Variants in DNAAF11 observed in about 807,000 individuals in gnomAD.
DNAAF11 encodes the protein dynein axonemal assembly factor 11, also known as leucine rich repeat containing 6.
A neutral mutation model predicts 60.8 loss-of-function variants in DNAAF11; 45 were observed. That is an observed-to-expected ratio of 0.74 (90% confidence interval 0.58 to 0.95). The LOEUF is 0.95. DNAAF11 is among the 40% of genes least tolerant of loss of function. DNAAF11 has a pLI of 0.00. For missense variants in DNAAF11, 546 were observed against 546.2 expected, an observed-to-expected ratio of 1.00 and a Z score of 0.00; for synonymous variants, 191 against 183.5, an observed-to-expected ratio of 1.04 and a Z score of -0.33.
the DNAAF11 span, among the ~76,000 whole-genome samples, chr8:132,682,427 G>T: frequency 1.3e-5 from 2 of 152,162 alleles, no homozygotes; most frequent in African/African-American, 4.8e-5. Flanking sequence ...TAATATCCCT[G>T]AATGACTGAC....
At chr8:132,573,478 C>T (rs1012947538) in intron 11 of DNAAF11, among the ~76,000 whole-genome samples, 1 of 152,150 alleles carries the variant, frequency 6.6e-6, no homozygotes, top group Non-Finnish European at 1.5e-5. Flanking sequence ...TGTTTTCATA[C>T]AATACTGGTA....
At chr8:132,605,139 C>G (rs1270466395) in intron 10 of DNAAF11, among the ~76,000 whole-genome samples, 5 of 152,026 alleles carry the variant, frequency 3.3e-5, no homozygotes, top group Admixed American at 2.0e-4. Flanking sequence ...CTCAAAATAA[C>G]CTTTTGAGGT....
At chr8:132,620,373 C>T (rs1292030887) in intron 7 of DNAAF11, among the ~76,000 whole-genome samples, 4 of 152,152 alleles carry the variant, frequency 2.6e-5, no homozygotes, top group African/African-American at 4.8e-5. Context: ...CTTACTCTGT[C>T]GCCCAGGCAG....
chr8:132,599,724 GC>G (rs1165280007), intron 10 of DNAAF11, among the ~76,000 whole-genome samples: 2 of 152,042 alleles, frequency 1.3e-5, no homozygotes, highest in South Asian at 2.1e-4. Flanking sequence ...AAATTCAACA[GC>G]CCTTCATGCT....
chr8:132,638,227 T>C (rs1821502584), intron 3 of DNAAF11, 120 bp from the exon 4 acceptor site: 1 of 699,804 alleles, frequency 1.4e-6, no homozygotes, highest in Admixed American at 2.5e-5. Flanking sequence ...GCTGATTTAT[T>C]GCATTGCTCA....
At position 132,618,896 on chromosome 8, in the gene DNAAF11, C is replaced by T. The variant is rs554468368; in HGVS notation, c.914+3715G>A. 5.3e-5 allele frequency among the ~76,000 whole-genome samples: 8 copies of T among 152,146 alleles called. No homozygotes were observed. In the South Asian group the frequency reaches 1.7e-3, roughly 32 times the overall value. On this transcript the variant is annotated intron_variant, in intron 7 of 11. Coordinates refer to ENST00000620350, the MANE Select transcript of DNAAF11 (RefSeq NM_012472.6). ...ACTGTGGAAGTCAGTGTGGCGATTC[C>T]TCAGGGATCTAGAACTAGAAATACC...
the DNAAF11 span, among the ~76,000 whole-genome samples, chr8:132,696,921 A>C: frequency 6.6e-6 from 1 of 152,166 alleles, no homozygotes; most frequent in African/African-American, 2.4e-5. Flanking sequence ...AGAGGAGCAG[A>C]AAAAATAACT....
chr8:132,671,595 G>A (rs184005848), intron 1 of DNAAF11, among the ~76,000 whole-genome samples: 1 of 152,232 alleles, frequency 6.6e-6, no homozygotes, highest in East Asian at 1.9e-4. Flanking sequence ...AAAAAATTTA[G>A]AGGAAAAACA....
At chr8:132,598,800 T>C (rs1370187873) in intron 10 of DNAAF11, among the ~76,000 whole-genome samples, 1 of 152,210 alleles carries the variant, frequency 6.6e-6, no homozygotes, top group Non-Finnish European at 1.5e-5. Flanking sequence ...TTTATAGCAC[T>C]GAATGCCCAC....
intron 3 of DNAAF11, among the ~76,000 whole-genome samples, chr8:132,642,167 G>T (rs184345045): frequency 6.6e-6 from 1 of 152,184 alleles, no homozygotes; most frequent in Admixed American, 6.5e-5. Context: ...CTCAAATGTT[G>T]TAAGTATGCT....
rs745930666 is a variant in DNAAF11, at chr8:132,625,289, C to A, written c.819G>T (p.Lys273Asn). The A allele has an allele frequency of 6.2e-7, 1 of 1,602,958 alleles. No individual in the cohort carries two copies. The highest frequency in any genetic ancestry group is 2.2e-5 in the East Asian group (1 of 44,636). ...TGAAATACCTTAATTTTTCCTGTTTCTTCCGTTGTTTTTCCATGTGTCTAA... is the reference window on the plus strand; with the variant it reads ...TGAAATACCTTAATTTTTCCTGTTTATTCCGTTGTTTTTCCATGTGTCTAA... ...ETLRHMEKQR[K>N]KQEKLSEKKK... The change falls in exon 6 of 12, where the codon AAG becomes AAT. Residue 273 changes from lysine (K) to asparagine (N), a missense_variant. Lys to Asn is a moderately conservative substitution (Grantham distance 94). Transcript: ENST00000620350.
intron 5 of DNAAF11, among the ~76,000 whole-genome samples, chr8:132,630,402 C>T (rs1309374193): frequency 1.3e-5 from 2 of 152,038 alleles, no homozygotes; most frequent in Admixed American, 1.3e-4. Flanking sequence ...CAATTAGCTA[C>T]CCATATGAAA....
In DNAAF11 at chr8:132,576,750, A is replaced by C. The variant is rs540671920; in HGVS notation, c.1227-4270T>G. Reference sequence around the variant, plus strand: ...CAATCTGAAAAAAAATCCAAAATAAAAAACAAGTCTGGTCCTAAGCATTTT... The same window carrying C: ...CAATCTGAAAAAAAATCCAAAATAACAAACAAGTCTGGTCCTAAGCATTTT... On this transcript the variant is annotated intron_variant, in intron 11 of 11. Coordinates refer to ENST00000620350, the MANE Select transcript of DNAAF11 (RefSeq NM_012472.6). 2.6e-5 allele frequency among the ~76,000 whole-genome samples: 4 copies of C among 152,304 alleles called. No individual in the cohort carries two copies. The East Asian group carries it at 7.7e-4, about 29-fold the overall frequency.
intron 10 of DNAAF11, among the ~76,000 whole-genome samples, chr8:132,586,740 T>A (rs1202283326): frequency 6.6e-6 from 1 of 152,086 alleles, no homozygotes; most frequent in East Asian, 1.9e-4. Flanking sequence ...AAGACTCAGG[T>A]CGGCCAGGGA....
At chr8:132,693,219 A>T in the DNAAF11 span, among the ~76,000 whole-genome samples, 1 of 152,214 alleles carries the variant, frequency 6.6e-6, no homozygotes, top group South Asian at 2.1e-4. Flanking sequence ...GATGAAAAAA[A>T]GCCACAGATT....
the DNAAF11 span, among the ~76,000 whole-genome samples, chr8:132,690,140 G>C: frequency 6.6e-6 from 1 of 152,174 alleles, no homozygotes; most frequent in South Asian, 2.1e-4. Flanking sequence ...ATAGTGCAGA[G>C]AGGTCCCATT....
chr8:132,627,552 G>A (rs964051704), intron 5 of DNAAF11, among the ~76,000 whole-genome samples: 3 of 152,110 alleles, frequency 2.0e-5, no homozygotes, highest in Non-Finnish European at 4.4e-5. Context: ...TCATTTTCAG[G>A]TACTAAAGGG....
At chr8:132,625,623 T>C (rs988500967) in intron 5 of DNAAF11, among the ~76,000 whole-genome samples, 169 bp from the exon 6 acceptor site, 1 of 152,192 alleles carries the variant, frequency 6.6e-6, no homozygotes, top group East Asian at 1.9e-4. Flanking sequence ...TGCATGGATA[T>C]GTAGTGAGAT....
At chr8:132,651,281 A>G (rs1308735239) in intron 3 of DNAAF11, among the ~76,000 whole-genome samples, 2 of 151,990 alleles carry the variant, frequency 1.3e-5, no homozygotes, top group African/African-American at 4.8e-5. Flanking sequence ...AAAAAGAAAA[A>G]AAAAAGGATA....
Sources: allele counts gnomAD v4.1 joint callset (sites outside exome capture counted in the v4.1 genomes callset), GRCh38; gene constraint gnomAD v4.1.1; transcripts MANE v1.5; gene names NCBI Gene and HGNC (gene_info 2026-07-23, HGNC 2026-07-21).